Variants in SLC25A26 observed in about 807,000 individuals in gnomAD.
SLC25A26 encodes solute carrier family 25 member 26.
SLC25A26 carries 36 observed loss-of-function variants against 37.8 expected under a neutral mutation model. The observed-to-expected ratio is 0.95, with a 90% confidence interval of 0.73 to 1.26. The LOEUF is 1.26. Ranked by LOEUF, SLC25A26 falls within the 50% of genes most tolerant of loss-of-function variation. The pLI is 0.00. For synonymous variants in SLC25A26, 129 were observed against 122.5 expected (o/e 1.05, Z -0.35); for missense variants, 390 against 331.1 (o/e 1.18, Z -1.38).
At chr3:66,136,210 G>A (rs780866164) in intron 1 of SLC25A26, among the ~76,000 whole-genome samples, 1 of 152,174 alleles carries the variant, frequency 6.6e-6, no homozygotes, top group Non-Finnish European at 1.5e-5. Context: ...ATATGTATCT[G>A]CTGTTGGACT....
chr3:66,352,735 A>C (rs964026682), intron 6 of SLC25A26, among the ~76,000 whole-genome samples: 6 of 151,808 alleles, frequency 4.0e-5, no homozygotes, highest in South Asian at 2.1e-4. Context: ...AACTGACCCC[A>C]TGGAGCATTC....
At chr3:66,362,333 C>T (rs1044142238) in intron 6 of SLC25A26, among the ~76,000 whole-genome samples, 1 of 152,116 alleles carries the variant, frequency 6.6e-6, no homozygotes, top group Non-Finnish European at 1.5e-5. Context: ...TATATCCATA[C>T]AACAGAATAT....
At chr3:66,297,997 C>A (rs1034514888) in intron 5 of SLC25A26, among the ~76,000 whole-genome samples, 4 of 152,194 alleles carry the variant, frequency 2.6e-5, no homozygotes, top group Non-Finnish European at 4.4e-5. Flanking sequence ...CTGAGTAGAT[C>A]ATTGGTTCCC....
At chr3:66,375,095 T>A (rs1301257840) in intron 9 of SLC25A26, among the ~76,000 whole-genome samples, 1 of 152,148 alleles carries the variant, frequency 6.6e-6, no homozygotes, top group Non-Finnish European at 1.5e-5. Flanking sequence ...ACGAAGAAAG[T>A]TTGGTCTGGA....
intron 5 of SLC25A26, among the ~76,000 whole-genome samples, chr3:66,293,979 A>C (rs1046013533): frequency 6.6e-6 from 1 of 152,140 alleles, no homozygotes; most frequent in Non-Finnish European, 1.5e-5. Context: ...CTTTTTGCTT[A>C]GGATTACCTT....
chr3:66,229,864 TA>T (rs373581880), intron 1 of SLC25A26, among the ~76,000 whole-genome samples: 5 of 148,878 alleles, frequency 3.4e-5, no homozygotes, highest in Non-Finnish European at 6.0e-5. Flanking sequence ...ATAGCCTCAC[TA>T]AAAAAAAAAC....
At chr3:66,219,251 T>C (rs2071408110), upstream of SLC25A26, among the ~76,000 whole-genome samples, 1 of 152,156 alleles carries the variant, frequency 6.6e-6, no homozygotes, top group Non-Finnish European at 1.5e-5. Context: ...GTAGGCAGGA[T>C]TCTAAGGTGG....
At chr3:66,164,656 A>G (rs1006434649) in intron 1 of SLC25A26, among the ~76,000 whole-genome samples, 2 of 152,210 alleles carry the variant, frequency 1.3e-5, no homozygotes, top group African/African-American at 4.8e-5. Flanking sequence ...TAGGCCTTGT[A>G]TGTAATATAT....
chr3:66,180,068 C>T (rs2070669946), intron 1 of SLC25A26, among the ~76,000 whole-genome samples: 1 of 152,214 alleles, frequency 6.6e-6, no homozygotes, highest in Non-Finnish European at 1.5e-5. Context: ...GCAACAAACT[C>T]CTCTTGCCTT....
chr3:66,219,694 A>G (rs1416465365), upstream of SLC25A26, among the ~76,000 whole-genome samples: 1 of 152,200 alleles, frequency 6.6e-6, no homozygotes, highest in Non-Finnish European at 1.5e-5. Flanking sequence ...GGTGTATACC[A>G]TGCTAGGGAG....
chr3:66,299,853 T>A (rs998696422), intron 5 of SLC25A26, among the ~76,000 whole-genome samples: 2 of 152,234 alleles, frequency 1.3e-5, no homozygotes, highest in African/African-American at 4.8e-5. Context: ...TGCTTCAGTT[T>A]TTCAGGGGAT....
At chr3:66,291,344 G>T (rs1286551577) in intron 5 of SLC25A26, among the ~76,000 whole-genome samples, 3 of 151,964 alleles carry the variant, frequency 2.0e-5, no homozygotes, top group African/African-American at 7.3e-5. Flanking sequence ...CTTGTCTTCT[G>T]CTAGCGTTTG....
intron 9 of SLC25A26, among the ~76,000 whole-genome samples, chr3:66,377,323 A>G (rs988092533): frequency 2.0e-5 from 3 of 152,140 alleles, no homozygotes; most frequent in Non-Finnish European, 2.9e-5. Context: ...GGGGTCTCGA[A>G]GGACAAAATG....
At chr3:66,230,746 A>C (rs1487636563) in intron 1 of SLC25A26, among the ~76,000 whole-genome samples, 1 of 140,714 alleles carries the variant, frequency 7.1e-6, no homozygotes, top group Non-Finnish European at 1.5e-5. Flanking sequence ...TGAAGGTTGC[A>C]GTGAGCCGAG....
intron 4 of SLC25A26, among the ~76,000 whole-genome samples, chr3:66,262,804 C>T (rs1411480325): frequency 6.6e-6 from 1 of 152,078 alleles, no homozygotes; most frequent in Non-Finnish European, 1.5e-5. Context: ...ATAACTTCCC[C>T]GTTGAACTAT....
At position 66,243,301 on chromosome 3, in the gene SLC25A26, G is replaced by A; in HGVS notation, c.289G>A (p.Ala97Thr). Residue 97 changes from alanine to threonine, a missense_variant, in exon 3 of 10, where the codon GCT (alanine) becomes ACT (threonine). Coordinates refer to ENST00000354883, the MANE Select transcript of SLC25A26 (RefSeq NM_001379210.1). Reference protein sequence around the residue: ...TPMKHMLAASAGEVVACLIRV... With the variant: ...TPMKHMLAASTGEVVACLIRV... ...TATGAAACATATGTTGGCTGCCTCT[G>A]CTGGAGAAGTGGTAAGTAACAAGTT... 6.3e-7 allele frequency: 1 copy of A among 1,592,094 alleles called. No individual in the cohort carries two copies. The highest frequency in any genetic ancestry group is 1.1e-5 in the South Asian group (1 of 88,784).
chr3:66,153,176 G>A (rs2070230874), intron 1 of SLC25A26, among the ~76,000 whole-genome samples: 1 of 152,024 alleles, frequency 6.6e-6, no homozygotes, highest in Non-Finnish European at 1.5e-5. Flanking sequence ...ATAACTTTTG[G>A]TGTTACTACT....
In SLC25A26 at chr3:66,146,957, A is replaced by G. The variant is rs566147091; in HGVS notation, c.-354+12973A>G. Among the ~76,000 whole-genome samples, 135 of 152,232 alleles carry G rather than the reference A, an allele frequency of 8.9e-4. 2 individuals carry two copies. The highest frequency in any genetic ancestry group is 3.2e-3 in the African/African-American group (133 of 41,532). ...TTTCCATTCCTGAGTCACTTCACTT[A>G]GAATAATGGCTTCCAGCTCCATCCA... On this transcript the variant is annotated intron_variant, in intron 1 of 10. Coordinates refer to the SLC25A26 transcript ENST00000676754.
intron 5 of SLC25A26, 142 bp downstream of exon 5, chr3:66,263,521 T>A (rs949993637): frequency 3.1e-6 from 2 of 635,080 alleles, no homozygotes; most frequent in African/African-American, 3.7e-5. Context: ...CACTCTTCTG[T>A]TAAATTTTCT....
Sources: allele counts gnomAD v4.1 joint callset (sites outside exome capture counted in the v4.1 genomes callset), GRCh38; gene constraint gnomAD v4.1.1; transcripts MANE v1.5; gene names NCBI Gene and HGNC (gene_info 2026-07-23, HGNC 2026-07-21).